PUDP: variants seen among roughly 807,000 people sequenced by gnomAD.
The protein encoded by PUDP is pseudouridine-5'-phosphatase.
PUDP carries 8 observed loss-of-function variants against 9.4 expected under a neutral mutation model. The ratio of observed to expected loss-of-function variants is 0.85; its 90% CI spans 0.50 to 1.53. The LOEUF is 1.53. PUDP is among the 40% of genes most tolerant of loss of function. PUDP has a pLI of 0.00. For missense variants in PUDP, 188 were observed against 189.7 expected, an observed-to-expected ratio of 0.99 and a Z score of 0.05; for synonymous variants, 99 against 80.7, an observed-to-expected ratio of 1.23 and a Z score of -1.22.
At chrX:6,809,870 A>G (rs150622198) in intron 3 of PUDP, among the ~76,000 whole-genome samples, 2,217 of 111,134 alleles carry the variant, frequency 0.02, 57 homozygotes, top group African/African-American at 0.069. Context: ...TTAAGAGGAC[A>G]TCAGAGCCTG....
chrX:7,044,678 C>G (rs1929962956), downstream of PUDP, among the ~76,000 whole-genome samples: 1 of 112,066 alleles, frequency 8.9e-6, no homozygotes, highest in Non-Finnish European at 1.9e-5. Context: ...TAGCAAAAGC[C>G]CAGGGGCGCA....
At chrX:7,091,178 A>T (rs1301239593) in intron 2 of PUDP, among the ~76,000 whole-genome samples, 1 of 111,302 alleles carries the variant, frequency 9.0e-6, no homozygotes, top group Non-Finnish European at 1.9e-5. Context: ...GCCAGCTGTC[A>T]ATGGTAAATA....
chrX:6,873,024 T>C (rs1366891318), intron 3 of PUDP, among the ~76,000 whole-genome samples: 1 of 107,797 alleles, frequency 9.3e-6, no homozygotes, highest in Non-Finnish European at 1.9e-5. Context: ...GGAACAAACA[T>C]TCTAAGTTCA....
At chrX:6,830,797 TAACTA>T (rs1212335482) in intron 3 of PUDP, among the ~76,000 whole-genome samples, 6 of 112,398 alleles carry the variant, frequency 5.3e-5, no homozygotes, top group African/African-American at 1.6e-4. Context: ...TATTGTAACT[TAACTA>T]AATAAAATAT....
chrX:6,877,345 G>C (rs1218273081), intron 3 of PUDP, among the ~76,000 whole-genome samples: 6 of 111,454 alleles, frequency 5.4e-5, no homozygotes, highest in Non-Finnish European at 1.1e-4. Flanking sequence ...ACATAAAAAA[G>C]AATATGGAGC....
At chrX:6,720,234 GTATATATGTA>G (rs1400944467) in intron 1 of PUDP, among the ~76,000 whole-genome samples, 2 of 72,182 alleles carry the variant, frequency 2.8e-5, no homozygotes, top group African/African-American at 1.1e-4. Context: ...ATATATGTGT[GTATATATGTA>G]TGTGTGTGTG....
intron 3 of PUDP, among the ~76,000 whole-genome samples, chrX:6,939,618 C>T (rs73629008): frequency 0.032 from 3,474 of 110,072 alleles, 139 homozygotes; most frequent in African/African-American, 0.11. Flanking sequence ...AATTCCAGCA[C>T]TTTGGTAGGC....
At chrX:6,752,885 G>T (rs771131551) in intron 3 of PUDP, among the ~76,000 whole-genome samples, 1 of 111,916 alleles carries the variant, frequency 8.9e-6, no homozygotes, top group South Asian at 3.8e-4. Flanking sequence ...TTATCCCTTA[G>T]ATGTGTACAT....
intron 1 of PUDP, among the ~76,000 whole-genome samples, chrX:7,125,249 CT>C (rs1359341760): frequency 1.9e-4 from 21 of 111,455 alleles, no homozygotes; most frequent in African/African-American, 6.5e-4. Flanking sequence ...TGTATAAATA[CT>C]ATTAATCATT....
intron 3 of PUDP, among the ~76,000 whole-genome samples, chrX:6,813,302 G>A (rs1926174783): frequency 9.0e-6 from 1 of 111,521 alleles, no homozygotes; most frequent in African/African-American, 3.3e-5. Context: ...AACAATACAC[G>A]GGAATAGCTA....
chrX:6,824,369 C>T (rs1926393361), intron 3 of PUDP, among the ~76,000 whole-genome samples: 2 of 111,766 alleles, frequency 1.8e-5, no homozygotes, highest in Non-Finnish European at 3.8e-5. Context: ...TACCCAGTTT[C>T]GGGTATGTCT....
At chrX:7,057,584 C>T (rs181977118) in intron 3 of PUDP, 34 of 1,076,513 alleles carry the variant, frequency 3.2e-5, no homozygotes, top group Admixed American at 3.3e-5. Context: ...GTCTTGGGGC[C>T]GCCATTTTGG....
chrX:7,039,876 AT>A (rs1929899112), intron 1 of PUDP, among the ~76,000 whole-genome samples: 1 of 112,170 alleles, frequency 8.9e-6, no homozygotes, highest in Non-Finnish European at 1.9e-5. Flanking sequence ...TAATATTGAC[AT>A]TCTTCGGGAG....
intron 3 of PUDP, among the ~76,000 whole-genome samples, chrX:6,792,768 C>T (rs1426119032): frequency 8.9e-6 from 1 of 112,796 alleles, no homozygotes; most frequent in African/African-American, 3.2e-5. Context: ...GTAAAACTTA[C>T]ATTAAACAGA....
intron 1 of PUDP, among the ~76,000 whole-genome samples, chrX:7,030,916 TAGAC>T (rs1342904927): frequency 1.8e-5 from 2 of 111,621 alleles, no homozygotes; most frequent in Non-Finnish European, 3.8e-5. Context: ...GGCTACTCCA[TAGAC>T]AGAGCAGTCC....
At chrX:6,951,748 T>C (rs1229379186) in intron 3 of PUDP, among the ~76,000 whole-genome samples, 2 of 112,406 alleles carry the variant, frequency 1.8e-5, no homozygotes, top group Non-Finnish European at 3.8e-5. Flanking sequence ...TGATGTGTTA[T>C]AGTGCTGCAG....
At chrX:6,880,524 A>G (rs1258005787) in intron 3 of PUDP, among the ~76,000 whole-genome samples, 2 of 112,130 alleles carry the variant, frequency 1.8e-5, no homozygotes, top group Non-Finnish European at 3.8e-5. Context: ...AAACAGAGGG[A>G]CTATAAAATA....
chrX:6,875,608 A>G (rs766422157), intron 3 of PUDP, among the ~76,000 whole-genome samples: 3 of 111,530 alleles, frequency 2.7e-5, no homozygotes, highest in Admixed American at 9.6e-5. Flanking sequence ...GGCTGTCCCT[A>G]CAACTTCATT....
chrX:6,881,335 G>A (rs2146739886), intron 3 of PUDP, among the ~76,000 whole-genome samples: 1 of 111,956 alleles, frequency 8.9e-6, no homozygotes, highest in Admixed American at 9.5e-5. Context: ...ACTGTAGTTT[G>A]CCAAGTTCAG....
Sources: allele counts gnomAD v4.1 joint callset (sites outside exome capture counted in the v4.1 genomes callset), GRCh38; gene constraint gnomAD v4.1.1; transcripts MANE v1.5; gene names NCBI Gene and HGNC (gene_info 2026-07-23, HGNC 2026-07-21).